ADAM22: variants seen among roughly 807,000 people sequenced by gnomAD.
ADAM22 encodes the protein disintegrin and metalloproteinase domain-containing protein 22.
Under a neutral mutation model 144.6 loss-of-function variants are expected in ADAM22, and 65 were observed. The ratio of observed to expected loss-of-function variants is 0.45; its 90% CI spans 0.37 to 0.55. The LOEUF is 0.55. ADAM22 is among the 20% of genes least tolerant of loss of function. The probability of loss-of-function intolerance (pLI) is 0.00; values close to 1 mark genes in which losing one functional copy is unlikely to be tolerated. For missense variants in ADAM22, 974 were observed against 1,184.9 expected (o/e 0.82, Z 2.61); for synonymous variants, 391 against 412.6 (o/e 0.95, Z 0.63).
intron 2 of ADAM22, among the ~76,000 whole-genome samples, chr7:87,937,304 C>T (rs1841470248): frequency 6.6e-6 from 1 of 152,018 alleles, no homozygotes; most frequent in Non-Finnish European, 1.5e-5. Flanking sequence ...GGTTCTTTCC[C>T]CTCTATTTCT....
intron 3 of ADAM22, among the ~76,000 whole-genome samples, chr7:88,045,049 C>T (rs1240055898): frequency 6.7e-6 from 1 of 149,234 alleles, no homozygotes; most frequent in Non-Finnish European, 1.5e-5. Flanking sequence ...CAAACTCTCG[C>T]TCTTGTTGCC....
intron 22 of ADAM22, among the ~76,000 whole-genome samples, chr7:88,157,919 TA>T (rs1297284153): frequency 2.0e-5 from 3 of 152,162 alleles, no homozygotes; most frequent in Non-Finnish European, 2.9e-5. Context: ...GGATTGAATG[TA>T]AATGGCCTAA....
chr7:88,080,868 A>G (rs1279146279), intron 4 of ADAM22, among the ~76,000 whole-genome samples: 1 of 152,198 alleles, frequency 6.6e-6, no homozygotes. Context: ...CAACCAAAAA[A>G]AGTCCAGGAC....
chr7:87,982,700 A>ATATATATATATATATATATATATATATAT, intron 3 of ADAM22, among the ~76,000 whole-genome samples: 1 of 56,062 alleles, frequency 1.8e-5, no homozygotes, highest in East Asian at 6.0e-4. Context: ...TATATATATA[A>ATATATATATATATATATATATATATATAT]TTTTTTTTTT....
chr7:88,073,879 G>T (rs1813483619), intron 3 of ADAM22, among the ~76,000 whole-genome samples: 1 of 152,234 alleles, frequency 6.6e-6, no homozygotes, highest in Non-Finnish European at 1.5e-5. Context: ...GTCAGTGGCT[G>T]TGGCTTGCCA....
chr7:88,039,621 G>C (rs1802597548), intron 3 of ADAM22, among the ~76,000 whole-genome samples: 1 of 150,074 alleles, frequency 6.7e-6, no homozygotes, highest in South Asian at 2.1e-4. Flanking sequence ...ATGTGTGTGT[G>C]TGTGTGTCTG....
chr7:88,058,447 A>T (rs1243706886), intron 3 of ADAM22, among the ~76,000 whole-genome samples: 1 of 152,206 alleles, frequency 6.6e-6, no homozygotes, highest in East Asian at 1.9e-4. Flanking sequence ...GCAAACAGAG[A>T]TGTCTGTTTA....
At chr7:88,146,593 C>T (rs2129523912) in intron 17 of ADAM22, among the ~76,000 whole-genome samples, 1 of 152,358 alleles carries the variant, frequency 6.6e-6, no homozygotes, top group South Asian at 2.1e-4. Flanking sequence ...TCCCCAGACA[C>T]TGCCAAATGT....
In ADAM22 at chr7:88,023,419, T is replaced by C. The variant is rs1222864422; in HGVS notation, c.323+45007T>C. Among the ~76,000 whole-genome samples, 3 of 152,138 alleles carry C rather than the reference T, an allele frequency of 2.0e-5. No individual in the cohort carries two copies. In the East Asian group the frequency reaches 5.8e-4, roughly 29 times the overall value. ...TGTGTTACAAACAATCCAATTATAGTCTTTTATTTATTTATTTAGAGATGG... is the reference window on the plus strand; with the variant it reads ...TGTGTTACAAACAATCCAATTATAGCCTTTTATTTATTTATTTAGAGATGG... On this transcript the variant is annotated intron_variant, in intron 3 of 31. Coordinates refer to ENST00000413139, the MANE Select transcript of ADAM22 (RefSeq NM_001324418.2).
At chr7:88,022,271 C>G (rs1585070934) in intron 3 of ADAM22, among the ~76,000 whole-genome samples, 1 of 152,270 alleles carries the variant, frequency 6.6e-6, no homozygotes, top group Middle Eastern at 3.4e-3. Context: ...GTGACCTCTG[C>G]TTTCTTAGAG....
intron 3 of ADAM22, among the ~76,000 whole-genome samples, chr7:88,064,179 G>A (rs546633575): frequency 1.3e-5 from 2 of 152,234 alleles, no homozygotes; most frequent in South Asian, 2.1e-4. Flanking sequence ...TGCCCATATC[G>A]AAGGCTTTAT....
At chr7:87,971,605 G>A (rs897247348) in intron 2 of ADAM22, among the ~76,000 whole-genome samples, 1 of 152,134 alleles carries the variant, frequency 6.6e-6, no homozygotes, top group Non-Finnish European at 1.5e-5. Flanking sequence ...CGTTTTTCCA[G>A]TATCTGTGAG....
chr7:88,096,169 C>T (rs1051290573), intron 4 of ADAM22, among the ~76,000 whole-genome samples: 1 of 151,986 alleles, frequency 6.6e-6, no homozygotes, highest in African/African-American at 2.4e-5. Context: ...GCAATCCTCT[C>T]GCCTCAGCGT....
At chr7:88,040,973 C>G (rs984535114) in intron 3 of ADAM22, among the ~76,000 whole-genome samples, 5 of 152,058 alleles carry the variant, frequency 3.3e-5, no homozygotes, top group African/African-American at 9.7e-5. Context: ...CCAATGGCCC[C>G]TTCCATAGGC....
chr7:88,052,815 T>G (rs1189373203), intron 3 of ADAM22, among the ~76,000 whole-genome samples: 1 of 152,246 alleles, frequency 6.6e-6, no homozygotes, highest in Non-Finnish European at 1.5e-5. Flanking sequence ...TCTTCACTTG[T>G]GTTGGTACTT....
At chr7:88,132,835 C>T in intron 11 of ADAM22, 32 bp from the exon 12 acceptor site, 1 of 1,581,940 alleles carries the variant, frequency 6.3e-7, no homozygotes, top group Non-Finnish European at 8.7e-7. Context: ...GAACTGTGAA[C>T]AGTAAGCATT....
At chr7:88,016,809 T>C (rs1193224614) in intron 3 of ADAM22, among the ~76,000 whole-genome samples, 1 of 151,980 alleles carries the variant, frequency 6.6e-6, no homozygotes, top group African/African-American at 2.4e-5. Context: ...TAAGGAGAGG[T>C]TGGTAAATGG....
At chr7:87,984,498 T>C (rs1379636349) in intron 3 of ADAM22, among the ~76,000 whole-genome samples, 3 of 152,216 alleles carry the variant, frequency 2.0e-5, no homozygotes, top group Non-Finnish European at 1.5e-5. Context: ...CTACTTGTTT[T>C]TGAGGCCAAC....
At chr7:88,157,529 G>C (rs759367900) in intron 22 of ADAM22, among the ~76,000 whole-genome samples, 2 of 152,072 alleles carry the variant, frequency 1.3e-5, no homozygotes, top group Admixed American at 6.6e-5. Context: ...AATTTCTCAG[G>C]AAAGTACTAG....
Sources: gnomAD v4.1 joint callset for allele counts (sites outside exome capture counted in the v4.1 genomes callset) on GRCh38, gnomAD v4.1.1 for gene constraint, MANE v1.5 for transcripts, NCBI Gene and HGNC (gene_info 2026-07-23, HGNC 2026-07-21) for gene names.